CTNND2: variants seen among roughly 807,000 people sequenced by gnomAD.
The protein encoded by CTNND2 is catenin delta-2.
Under a neutral mutation model 144.4 loss-of-function variants are expected in CTNND2, and 22 were observed. The ratio of observed to expected loss-of-function variants is 0.15; its 90% CI spans 0.11 to 0.22. The LOEUF (loss-of-function observed/expected upper bound fraction) is 0.22, where lower values mean the gene tolerates loss of function less well. CTNND2 is among the 10% of genes least tolerant of loss of function. CTNND2 has a pLI of 1.00. For synonymous variants in CTNND2, 751 were observed against 695.6 expected (o/e 1.08, Z -1.25); for missense variants, 1,353 against 1,618.8 (o/e 0.84, Z 2.82).
At chr5:11,884,975 T>C (rs1736412442) in intron 1 of CTNND2, among the ~76,000 whole-genome samples, 1 of 152,346 alleles carries the variant, frequency 6.6e-6, no homozygotes, top group South Asian at 2.1e-4. Context: ...GATTTGCATA[T>C]GTTAACCCAT....
At chr5:11,695,651 T>C (rs1294729318) in intron 2 of CTNND2, among the ~76,000 whole-genome samples, 1 of 152,240 alleles carries the variant, frequency 6.6e-6, no homozygotes, top group African/African-American at 2.4e-5. Flanking sequence ...AAGAACACTA[T>C]GCAGAGTTCC....
intron 11 of CTNND2, among the ~76,000 whole-genome samples, chr5:11,168,113 T>G (rs576270934): frequency 3.3e-5 from 5 of 152,302 alleles, no homozygotes; most frequent in Middle Eastern, 3.4e-3. Context: ...AGACTATAAT[T>G]GACTGATTTT....
intron 7 of CTNND2, among the ~76,000 whole-genome samples, chr5:11,369,822 C>A (rs549262561): frequency 5.0e-4 from 76 of 152,166 alleles, no homozygotes; most frequent in Non-Finnish European, 1.5e-4. Context: ...GACATTTTAG[C>A]AGAGAGCTGC....
rs77862253 is a variant in CTNND2 at position 11,054,281 on chromosome 5, C to T, written c.2788+28415G>A. On this transcript the variant is annotated intron_variant, in intron 16 of 21. Transcript: ENST00000304623. ...TCTCTGTGTCTTCAATGGCTTCTAACAACAGCCCTAGGAGGTCAACACTGC... is the reference window on the plus strand; with the variant it reads ...TCTCTGTGTCTTCAATGGCTTCTAATAACAGCCCTAGGAGGTCAACACTGC... Among the ~76,000 whole-genome samples the T allele has an allele frequency of 4.8e-3, 729 of 152,284 alleles. 8 individuals carry two copies. Among genetic ancestry groups the T allele is most frequent in the Non-Finnish European group, 4.5e-3 (304 of 68,024 alleles).
intron 1 of CTNND2, among the ~76,000 whole-genome samples, chr5:11,809,915 A>AT (rs1192826371): frequency 6.6e-6 from 1 of 152,176 alleles, no homozygotes; most frequent in African/African-American, 2.4e-5. Context: ...AGAACTTAAG[A>AT]AACAATCATG....
chr5:11,884,469 C>T lies in CTNND2; in HGVS notation c.37+19348G>A, dbSNP rs10060799. Among the ~76,000 whole-genome samples, 969 of 152,100 alleles carry T rather than the reference C, an allele frequency of 6.4e-3. 9 individuals carry two copies. The highest frequency in any genetic ancestry group is 0.022 in the African/African-American group (898 of 41,494). ...CTTTGCTTGTTTTTGTCAGGTTTGT[C>T]GAAGATCAGATGGTTGTAGATTTGT... is the stretch of plus-strand genomic sequence containing the variant. On this transcript the variant is annotated intron_variant, in intron 1 of 21. Coordinates refer to ENST00000304623, the MANE Select transcript of CTNND2 (RefSeq NM_001332.4).
intron 18 of CTNND2, among the ~76,000 whole-genome samples, chr5:11,002,281 A>G (rs1175360826): frequency 6.6e-6 from 1 of 152,256 alleles, no homozygotes; most frequent in African/African-American, 2.4e-5. Context: ...CATGCAGAGC[A>G]TGTCAATAAG....
At chr5:11,668,455 A>C (rs2126592111) in intron 2 of CTNND2, among the ~76,000 whole-genome samples, 1 of 152,294 alleles carries the variant, frequency 6.6e-6, no homozygotes, top group Non-Finnish European at 1.5e-5. Context: ...AGTGGTTTGT[A>C]GTTCTCCTTG....
chr5:11,310,370 C>A (rs916306667), intron 9 of CTNND2, among the ~76,000 whole-genome samples: 13 of 151,944 alleles, frequency 8.6e-5, no homozygotes, highest in African/African-American at 2.9e-4. Context: ...AAAGTGAGCC[C>A]TTATCTTCCC....
chr5:11,836,399 G>A (rs889354558), intron 1 of CTNND2, among the ~76,000 whole-genome samples: 3 of 152,092 alleles, frequency 2.0e-5, no homozygotes, highest in African/African-American at 4.8e-5. Flanking sequence ...CTAATCAGTA[G>A]GCATGGTAGG....
In CTNND2 at chr5:11,742,783, A is replaced by G. The variant is rs997197524; in HGVS notation, c.38-10511T>C. Among the ~76,000 whole-genome samples, 7 of 152,206 alleles carry G rather than the reference A, an allele frequency of 4.6e-5. No individual in the cohort carries two copies. In the South Asian group the frequency reaches 8.3e-4, roughly 18 times the overall value. ...AATAGGTGACATTTTAAAGACTCCT[A>G]CTACGTATAATTGAAGAATAAGCAT... On this transcript the variant is annotated intron_variant, in intron 1 of 21. Transcript: ENST00000304623.
chr5:11,742,046 G>C (rs983574269), intron 1 of CTNND2, among the ~76,000 whole-genome samples: 7 of 151,574 alleles, frequency 4.6e-5, no homozygotes, highest in Admixed American at 4.6e-4. Flanking sequence ...TTGGGGACTC[G>C]GGGGGAAAGG....
intron 1 of CTNND2, among the ~76,000 whole-genome samples, chr5:11,757,325 C>T (rs565220745): frequency 2.0e-5 from 3 of 151,766 alleles, no homozygotes; most frequent in Non-Finnish European, 4.4e-5. Context: ...ACGCAGCTAT[C>T]CCACTGTATT....
chr5:11,762,236 G>A (rs1789306467), intron 1 of CTNND2, among the ~76,000 whole-genome samples: 1 of 152,058 alleles, frequency 6.6e-6, no homozygotes, highest in South Asian at 2.1e-4. Context: ...GCAGCACAAG[G>A]GAGAGTAAGG....
At chr5:11,111,361 C>CT (rs1401252036) in intron 13 of CTNND2, among the ~76,000 whole-genome samples, 1 of 152,206 alleles carries the variant, frequency 6.6e-6, no homozygotes, top group Admixed American at 6.5e-5. Flanking sequence ...ATATCATCCA[C>CT]TAACAGACAG....
At chr5:11,139,034 C>T (rs1230977227) in intron 12 of CTNND2, among the ~76,000 whole-genome samples, 3 of 151,328 alleles carry the variant, frequency 2.0e-5, no homozygotes, top group African/African-American at 7.3e-5. Flanking sequence ...GATCTTGGCT[C>T]AATGCAACCT....
chr5:11,579,700 C>T (rs938734008), intron 2 of CTNND2, among the ~76,000 whole-genome samples: 18 of 152,176 alleles, frequency 1.2e-4, no homozygotes, highest in African/African-American at 4.3e-4. Context: ...TACATGAATT[C>T]ATGTACAAAG....
chr5:11,147,614 C>T (rs1456717063), intron 12 of CTNND2, among the ~76,000 whole-genome samples: 1 of 143,400 alleles, frequency 7.0e-6, no homozygotes, highest in Non-Finnish European at 1.5e-5. Flanking sequence ...CCTAAGGACT[C>T]AAGAAGAGTG....
intron 1 of CTNND2, among the ~76,000 whole-genome samples, chr5:11,843,212 AC>A (rs1794565296): frequency 6.6e-6 from 1 of 152,152 alleles, no homozygotes; most frequent in Admixed American, 6.5e-5. Context: ...AAACCAAACT[AC>A]CTATCAAAAA....
Sources: allele counts gnomAD v4.1 joint callset (sites outside exome capture counted in the v4.1 genomes callset), GRCh38; gene constraint gnomAD v4.1.1; transcripts MANE v1.5; gene names NCBI Gene and HGNC (gene_info 2026-07-23, HGNC 2026-07-21).